Variants in ANKRD36C observed in about 807,000 individuals in gnomAD.
ANKRD36C encodes ankyrin repeat domain-containing protein 36C.
In ANKRD36C, 61 loss-of-function variants were observed where a neutral mutation model predicts 276.4. The ratio of observed to expected loss-of-function variants is 0.22; its 90% confidence interval spans 0.18 to 0.27. The LOEUF (loss-of-function observed/expected upper bound fraction) is 0.27. Ranked by LOEUF, ANKRD36C falls within the 10% of genes least tolerant of loss-of-function variation. The pLI is 1.00. For synonymous variants in ANKRD36C, 483 were observed against 680.1 expected, an observed-to-expected ratio of 0.71 and a Z score of 4.51; for missense variants, 1,447 against 2,032.3, an observed-to-expected ratio of 0.71 and a Z score of 5.54.
intron 6 of ANKRD36C, among the ~76,000 whole-genome samples, chr2:95,963,022 A>G (rs79926110): frequency 0.021 from 2,005 of 96,822 alleles, no homozygotes; most frequent in East Asian, 0.055. Flanking sequence ...TTATGATGAC[A>G]CTTCAGCTGA....
intron 58 of ANKRD36C, among the ~76,000 whole-genome samples, chr2:95,876,853 C>CAAAA (rs61043155): frequency 2.4e-5 from 2 of 84,148 alleles, no homozygotes; most frequent in African/African-American, 5.6e-5. Context: ...GACTGTGTCT[C>CAAAA]AAAAAAAAAA....
At chr2:95,944,147 A>T (rs902546508) in intron 19 of ANKRD36C, among the ~76,000 whole-genome samples, 10 of 152,230 alleles carry the variant, frequency 6.6e-5, no homozygotes, top group African/African-American at 2.4e-4. Context: ...ATAATTCTAT[A>T]ATATGATATG....
At chr2:95,868,897 G>C (rs1362516800) in intron 59 of ANKRD36C, among the ~76,000 whole-genome samples, 1 of 152,274 alleles carries the variant, frequency 6.6e-6, no homozygotes, top group African/African-American at 2.4e-5. Context: ...GAATTTTAAA[G>C]GTTTTTTTTA....
chr2:95,921,672 G>T (rs1290178046), exon 34 of ANKRD36C: 8 of 1,606,206 alleles, frequency 5.0e-6, no homozygotes, highest in Non-Finnish European at 6.8e-6. Flanking sequence ...TTCCTCGTCA[G>T]TTGTAGCCTG....
intron 46 of ANKRD36C, among the ~76,000 whole-genome samples, chr2:95,890,945 G>C (rs1290267423): frequency 6.6e-6 from 1 of 151,398 alleles, no homozygotes; most frequent in Non-Finnish European, 1.5e-5. Context: ...TCATAATCAA[G>C]ATTACCTCAT....
At chr2:95,886,983 A>G (rs1457807948) in intron 50 of ANKRD36C, among the ~76,000 whole-genome samples, 1 of 151,566 alleles carries the variant, frequency 6.6e-6, no homozygotes, top group Non-Finnish European at 1.5e-5. Flanking sequence ...AAACTGCTAC[A>G]AGTATTGGAT....
In ANKRD36C at chr2:95,889,877, T is replaced by G; in HGVS notation, c.2887-6A>C. ...TTTTCCTTGTCACTTGTAGCCTGAA[T>G]GGAATTTGAAACACAACAGTCAATA... On this transcript the variant is annotated splice_polypyrimidine_tract_variant and splice_region_variant and intron_variant, in intron 47 of 66. Coordinates refer to ENST00000456556, the Ensembl canonical transcript of ANKRD36C. 6.2e-7 allele frequency: 1 copy of G among 1,606,442 alleles called. No individual in the cohort carries two copies. Among genetic ancestry groups the G allele is most frequent in the Non-Finnish European group, 8.5e-7 (1 of 1,175,566 alleles).
At chr2:95,980,754 C>T in exon 5 of ANKRD36C, 1 of 1,603,400 alleles carries the variant, frequency 6.2e-7, no homozygotes, top group Non-Finnish European at 8.5e-7. Context: ...ATATCTTTTT[C>T]TCCAAGAGTA....
chr2:95,973,720 A>G (rs534742704), intron 6 of ANKRD36C, among the ~76,000 whole-genome samples: 15 of 152,274 alleles, frequency 9.9e-5, no homozygotes, highest in Middle Eastern at 6.8e-3. Flanking sequence ...TTAAGGGCCA[A>G]TAGGACTTTA....
intron 44 of ANKRD36C, 102 bp from the exon 63 acceptor site, chr2:95,893,826 T>A (rs1274377854): frequency 5.7e-6 from 9 of 1,575,450 alleles, no homozygotes; most frequent in South Asian, 1.1e-5. Context: ...CCTGCCTGTA[T>A]TAGCGTAGGC....
Position 95,893,742 on chromosome 2 carries a change from T to A in ANKRD36C, c.2756-1882A>T. 1 of 1,604,920 alleles carries A rather than the reference T, an allele frequency of 6.2e-7. No homozygotes were observed. The highest frequency in any genetic ancestry group is 1.1e-5 in the South Asian group (1 of 90,776). On this transcript the variant is annotated intron_variant, in intron 44 of 66. Coordinates refer to ENST00000456556, the Ensembl canonical transcript of ANKRD36C. ...AGAAGACACTGAAAAGCAAAAGGGA[T>A]TCATAATCACTCATATGTAAATATG...
chr2:95,921,482 C>G, intron 34 of ANKRD36C, 125 bp downstream of exon 34: 2 of 1,327,078 alleles, frequency 1.5e-6, no homozygotes, highest in Non-Finnish European at 2.1e-6. Context: ...GACTCTCAGG[C>G]CTACTGAATC....
At chr2:95,897,110 G>C (rs878886116) in intron 44 of ANKRD36C, among the ~76,000 whole-genome samples, 160 bp downstream of exon 60, 2 of 150,360 alleles carry the variant, frequency 1.3e-5, no homozygotes, top group African/African-American at 4.9e-5. Context: ...TTCCAGACCA[G>C]CAGCATCATC....
At chr2:95,866,450 C>A (rs937134188) in intron 60 of ANKRD36C, among the ~76,000 whole-genome samples, 1 of 151,974 alleles carries the variant, frequency 6.6e-6, no homozygotes, top group African/African-American at 2.4e-5. Flanking sequence ...AAAACATCAA[C>A]CTACTTTTTT....
intron 10 of ANKRD36C, 69 bp from the exon 11 acceptor site, chr2:95,958,854 G>A: frequency 1.4e-6 from 2 of 1,405,024 alleles, no homozygotes; most frequent in East Asian, 5.0e-5. Context: ...CTTTCATGCA[G>A]TGTTACCATC....
chr2:95,874,398 T>C (rs1166884646), intron 59 of ANKRD36C, among the ~76,000 whole-genome samples: 1 of 152,220 alleles, frequency 6.6e-6, no homozygotes, highest in Admixed American at 6.5e-5. Flanking sequence ...ATCTGATCTT[T>C]GACAACCCTG....
At chr2:95,856,231 T>C (rs1573718360) in intron 62 of ANKRD36C, 51 bp from the exon 83 acceptor site, 2 of 1,580,464 alleles carry the variant, frequency 1.3e-6, no homozygotes, top group East Asian at 4.5e-5. Flanking sequence ...GATAACATAT[T>C]GTGATTGCTT....
At chr2:95,973,316 G>A (rs974633096) in intron 6 of ANKRD36C, among the ~76,000 whole-genome samples, 1 of 152,028 alleles carries the variant, frequency 6.6e-6, no homozygotes, top group African/African-American at 2.4e-5. Flanking sequence ...GGAGGCTGAG[G>A]CAGGAGAAGC....
At chr2:95,986,613 A>G (rs958843268) in intron 3 of ANKRD36C, 138 bp downstream of exon 3, 3 of 1,143,812 alleles carry the variant, frequency 2.6e-6, no homozygotes, top group South Asian at 2.0e-5. Flanking sequence ...GTAAAATCTT[A>G]GACAGTTAAG....
Sources: allele counts gnomAD v4.1 joint callset (sites outside exome capture counted in the v4.1 genomes callset), GRCh38; gene constraint gnomAD v4.1.1; transcripts MANE v1.5; gene names NCBI Gene and HGNC (gene_info 2026-07-23, HGNC 2026-07-21).